Variants in NPL observed in about 807,000 individuals in gnomAD.
NPL encodes N-acetylneuraminate pyruvate lyase.
Under a neutral mutation model 41.1 loss-of-function variants are expected in NPL, and 32 were observed. That is an observed-to-expected ratio of 0.78 (90% CI 0.59 to 1.05). NPL has a LOEUF of 1.05. NPL is among the 50% of genes least tolerant of loss of function. NPL has a pLI of 0.00. For missense variants in NPL, 321 were observed against 378.4 expected, an observed-to-expected ratio of 0.85 and a Z score of 1.26; for synonymous variants, 128 against 134.9, an observed-to-expected ratio of 0.95 and a Z score of 0.35.
intron 7 of NPL, 58 bp from the exon 8 acceptor site, chr1:182,816,656 C>A: frequency 8.1e-7 from 1 of 1,230,330 alleles, no homozygotes; most frequent in South Asian, 1.2e-5. Context: ...TCTTTTTTAC[C>A]AGGAAAGCCA....
chr1:182,814,757 A>G (rs760978378), intron 6 of NPL, 26 bp from the exon 7 acceptor site: 13 of 1,599,260 alleles, frequency 8.1e-6, no homozygotes, highest in Non-Finnish European at 5.1e-6. Flanking sequence ...ACTTGCTCCA[A>G]TATGGTCTTC....
intron 11 of NPL, among the ~76,000 whole-genome samples, chr1:182,824,949 T>A (rs984663023): frequency 6.6e-5 from 10 of 152,228 alleles, no homozygotes; most frequent in African/African-American, 2.4e-4. Context: ...AAGTAAGTGC[T>A]ACAAAACTGT....
At chr1:182,810,118 C>G (rs1019731555) in intron 5 of NPL, 7 of 152,178 alleles carry the variant, frequency 4.6e-5, no homozygotes, top group African/African-American at 1.7e-4. Flanking sequence ...TGGGCCTAAA[C>G]AGGAATGTGG....
At chr1:182,812,908 A>T (rs750492414) in intron 6 of NPL, among the ~76,000 whole-genome samples, 136 of 152,198 alleles carry the variant, frequency 8.9e-4, no homozygotes, top group Non-Finnish European at 1.7e-3. Flanking sequence ...GAAGGCACAC[A>T]CTTTGGGAGG....
chr1:182,819,069 C>T (rs1178031190), intron 10 of NPL, among the ~76,000 whole-genome samples: 2 of 152,224 alleles, frequency 1.3e-5, no homozygotes, highest in African/African-American at 4.8e-5. Context: ...CCTGTAATCC[C>T]AGCACTTTGG....
intron 3 of NPL, 37 bp downstream of exon 3, chr1:182,794,476 C>T (rs1666602385): frequency 4.4e-6 from 7 of 1,591,346 alleles, no homozygotes; most frequent in East Asian, 2.2e-5. Context: ...GATCAGTTCT[C>T]ATTCAACCAA....
In NPL at chr1:182,825,797, T is replaced by G; in HGVS notation, c.755T>G (p.Phe252Cys). 6.3e-7 allele frequency: 1 copy of G among 1,595,348 alleles called. No individual in the cohort carries two copies. Among genetic ancestry groups the G allele is most frequent in the Non-Finnish European group, 8.6e-7 (1 of 1,164,844 alleles). The change falls in exon 12 of 13, where the codon TTT (phenylalanine) becomes TGT (cysteine). Residue 252 changes from phenylalanine (F) to cysteine (C), a missense_variant. Transcript: ENST00000367553. ...ALNYQFCIQR[F>C]INFVVKLGFG... is the part of the protein sequence containing the mutation. The stretch of plus-strand genomic sequence containing the variant: ...CTTTTCTAGTTTTGTATCCAGAGAT[T>G]TATCAACTTTGTTGTCAAACTAGGT...
chr1:182,797,708 T>A (rs1666715290), intron 3 of NPL, among the ~76,000 whole-genome samples: 2 of 152,226 alleles, frequency 1.3e-5, no homozygotes, highest in South Asian at 2.1e-4. Flanking sequence ...TAGCACCCTG[T>A]CCATACTCTT....
At chr1:182,799,117 T>G (rs1288334238) in intron 3 of NPL, among the ~76,000 whole-genome samples, 2 of 152,222 alleles carry the variant, frequency 1.3e-5, no homozygotes, top group African/African-American at 4.8e-5. Context: ...GATTTCTCCC[T>G]GAAAAGCCAC....
chr1:182,794,245 G>C, intron 2 of NPL, 111 bp from the exon 3 acceptor site: 2 of 923,256 alleles, frequency 2.2e-6, no homozygotes, highest in Non-Finnish European at 3.6e-6. Context: ...CTGTGTGTTT[G>C]TGTACTTGTA....
Position 182,829,640 on chromosome 1 carries a change from T to C in NPL, c.*732T>C, listed in dbSNP as rs942019150. 9.0e-6 allele frequency: 14 copies of C among 1,550,070 alleles called. No homozygotes were observed. Among genetic ancestry groups the C allele is most frequent in the Non-Finnish European group, 1.0e-5 (12 of 1,146,132 alleles). ...TCAAAGTTTCAAAGAACCAAAGGAC[T>C]CTTCCTCTGGGCACCACAAACTTCC... is the stretch of plus-strand genomic sequence containing the variant. On this transcript the variant is annotated 3_prime_UTR_variant, in exon 13 of 13. Coordinates refer to ENST00000367553, the MANE Select transcript of NPL (RefSeq NM_030769.3).
chr1:182,815,814 C>A (rs1010549155), intron 7 of NPL, among the ~76,000 whole-genome samples: 5 of 152,018 alleles, frequency 3.3e-5, no homozygotes, highest in African/African-American at 1.2e-4. Flanking sequence ...GGTATGTTGC[C>A]CAGGATGATC....
At chr1:182,827,534 C>G (rs930821195) in intron 12 of NPL, among the ~76,000 whole-genome samples, 12 of 152,162 alleles carry the variant, frequency 7.9e-5, no homozygotes, top group African/African-American at 2.4e-4. Context: ...ATGCTGTATT[C>G]TGGATTATTT....
At chr1:182,794,910 G>T (rs116665364) in intron 3 of NPL, among the ~76,000 whole-genome samples, 1,811 of 152,298 alleles carry the variant, frequency 0.012, 32 homozygotes, top group African/African-American at 0.041. Flanking sequence ...CTACCCTGAG[G>T]AAAGTGGGAG....
chr1:182,811,074 A>AAAT (rs71825201), intron 5 of NPL, among the ~76,000 whole-genome samples: 12,319 of 152,108 alleles, frequency 0.081, 1,330 homozygotes, highest in African/African-American at 0.25. Flanking sequence ...CTAAGTCAAC[A>AAAT]ATTAGCCAGT....
At chr1:182,796,136 T>C (rs931398161) in intron 3 of NPL, among the ~76,000 whole-genome samples, 9 of 130,600 alleles carry the variant, frequency 6.9e-5, no homozygotes, top group Non-Finnish European at 9.4e-5. Context: ...GTTTTTCTTC[T>C]AGGAACCTTA....
intron 1 of NPL, among the ~76,000 whole-genome samples, chr1:182,790,949 G>A (rs1169365148): frequency 6.6e-6 from 1 of 152,136 alleles, no homozygotes; most frequent in Non-Finnish European, 1.5e-5. Flanking sequence ...GGCCAAAGTC[G>A]TTTTTATCCC....
intron 3 of NPL, among the ~76,000 whole-genome samples, chr1:182,799,985 G>A (rs528660000): frequency 1.6e-4 from 25 of 152,282 alleles, no homozygotes; most frequent in African/African-American, 5.3e-4. Flanking sequence ...ACTCACTTCT[G>A]TGAGCACTGA....
chr1:182,790,261 G>A (rs902516701), intron 1 of NPL, among the ~76,000 whole-genome samples: 7 of 152,004 alleles, frequency 4.6e-5, no homozygotes, highest in Non-Finnish European at 1.0e-4. Context: ...CTCACTTTCT[G>A]TCTCTTAAAA....
Sources: allele counts gnomAD v4.1 joint callset (sites outside exome capture counted in the v4.1 genomes callset), GRCh38; gene constraint gnomAD v4.1.1; transcripts MANE v1.5; gene names NCBI Gene and HGNC (gene_info 2026-07-23, HGNC 2026-07-21).